TSNARE1: variants seen among roughly 807,000 people sequenced by gnomAD.
TSNARE1 encodes the protein t-SNARE domain containing 1.
TSNARE1 carries 49 observed loss-of-function variants against 62.0 expected under a neutral mutation model. That is an observed-to-expected ratio of 0.79 (90% confidence interval 0.63 to 1.00). The LOEUF (loss-of-function observed/expected upper bound fraction) is 1.00, where lower values mean the gene tolerates loss of function less well. Ranked by LOEUF, TSNARE1 falls within the 50% of genes least tolerant of loss-of-function variation. TSNARE1 has a pLI of 0.00. For synonymous variants in TSNARE1, 328 were observed against 294.4 expected, an observed-to-expected ratio of 1.11 and a Z score of -1.17; for missense variants, 755 against 700.1, an observed-to-expected ratio of 1.08 and a Z score of -0.88.
At chr8:142,227,482 C>T (rs909354493) in intron 13 of TSNARE1, among the ~76,000 whole-genome samples, 40 of 148,402 alleles carry the variant, frequency 2.7e-4, no homozygotes, top group African/African-American at 9.7e-4. Flanking sequence ...GGCAGCCAGG[C>T]CCCCATTCCT....
At chr8:142,269,374 A>T in intron 12 of TSNARE1, 1 of 942,446 alleles carries the variant, frequency 1.1e-6, no homozygotes, top group Non-Finnish European at 1.3e-6. Flanking sequence ...TGTGGGGTGA[A>T]GGTTGGGGCT....
At chr8:142,236,989 C>T (rs543677776) in intron 12 of TSNARE1, among the ~76,000 whole-genome samples, 45 of 152,276 alleles carry the variant, frequency 3.0e-4, no homozygotes, top group Non-Finnish European at 1.0e-4. Context: ...GACCTGAAGG[C>T]AGGAAGGGAA....
chr8:142,249,919 G>A (rs1165333375), intron 12 of TSNARE1, among the ~76,000 whole-genome samples: 1 of 152,228 alleles, frequency 6.6e-6, no homozygotes, highest in African/African-American at 2.4e-5. Flanking sequence ...GCAACCTGGG[G>A]GCAATTGTGA....
chr8:142,227,717 C>T (rs1816908774), intron 13 of TSNARE1, among the ~76,000 whole-genome samples: 1 of 152,252 alleles, frequency 6.6e-6, no homozygotes, highest in Non-Finnish European at 1.5e-5. Context: ...CCCAGGGATG[C>T]GAAACAACAT....
intron 11 of TSNARE1, among the ~76,000 whole-genome samples, chr8:142,280,850 G>C (rs1198518776): frequency 1.3e-5 from 2 of 152,188 alleles, no homozygotes; most frequent in Non-Finnish European, 2.9e-5. Flanking sequence ...TGGTAAGGGA[G>C]TGATGGGGCA....
chr8:142,386,121 C>T (rs4576462), intron 1 of TSNARE1, among the ~76,000 whole-genome samples: 23,355 of 152,186 alleles, frequency 0.15, 1,877 homozygotes, highest in East Asian at 0.21. Flanking sequence ...TCAGATAATT[C>T]AGCCTTCCCA....
chr8:142,275,635 G>C, intron 11 of TSNARE1: 1 of 985,422 alleles, frequency 1.0e-6, no homozygotes, highest in Non-Finnish European at 1.2e-6. Context: ...GAGCAAACAC[G>C]AGCACGGGCA....
intron 1 of TSNARE1, among the ~76,000 whole-genome samples, chr8:142,377,849 T>C (rs1836459283): frequency 4.6e-5 from 7 of 152,236 alleles, no homozygotes; most frequent in Admixed American, 4.6e-4. Context: ...AAAGACTCAG[T>C]AATAAATAAA....
intron 2 of TSNARE1, among the ~76,000 whole-genome samples, chr8:142,351,458 T>C (rs1429264131): frequency 6.6e-6 from 1 of 152,182 alleles, no homozygotes. Context: ...TTAAATGACT[T>C]CATTGCAAGA....
chr8:142,318,551 G>C lies in TSNARE1; in HGVS notation c.977C>G (p.Ser326Cys), dbSNP rs1828946004. Reference protein sequence around the residue: ...VKQMAELLRSSCPQERLQQER... With the variant: ...VKQMAELLRSCCPQERLQQER... ...CAGACCCCAGGAACATACCGGGCAG[G>C]AGCTGCGCAGCAGCTCGGCCATCTG... Residue 326 changes from serine to cysteine, a missense_variant, in exon 7 of 14, where the codon TCC becomes TGC. Ser to Cys is a moderately radical substitution (Grantham distance 112). Coordinates refer to ENST00000524325, the MANE Select transcript of TSNARE1 (RefSeq NM_145003.5). The C allele has an allele frequency of 1.2e-6, 2 of 1,612,890 alleles. No homozygotes were observed. Among genetic ancestry groups the C allele is most frequent in the Non-Finnish European group, 1.7e-6 (2 of 1,179,950 alleles).
chr8:142,290,640 G>T (rs1054154803), intron 10 of TSNARE1, among the ~76,000 whole-genome samples: 2 of 152,168 alleles, frequency 1.3e-5, no homozygotes, highest in East Asian at 1.9e-4. Context: ...CCAGTTAATG[G>T]AGCCACCAAA....
intron 2 of TSNARE1, among the ~76,000 whole-genome samples, chr8:142,353,545 T>TGCTGCCATCCTATCCCA (rs1834382985): frequency 6.6e-6 from 1 of 152,218 alleles, no homozygotes. Context: ...CCGTCCTCCC[T>TGCTGCCATCCTATCCCA]GCTGCCATCC....
At chr8:142,338,260 C>T (rs1048790150) in intron 4 of TSNARE1, among the ~76,000 whole-genome samples, 5 of 152,350 alleles carry the variant, frequency 3.3e-5, no homozygotes, top group South Asian at 4.1e-4. Context: ...CTTACCTGCC[C>T]GCTGCAGACG....
Position 142,270,911 on chromosome 8 carries a change from C to T in TSNARE1, c.1446+3870G>A, listed in dbSNP as rs1027078137. ...CACCCTCTACAGGCAATGGCAAGGA[C>T]GCGACATCACAGGTAGACAGCCCAC... On this transcript the variant is annotated intron_variant, in intron 12 of 13. Transcript: ENST00000524325. The T allele has an allele frequency of 7.1e-6, 7 of 985,544 alleles. No individual in the cohort carries two copies. The South Asian group carries it at 1.4e-4, about 20-fold the overall frequency. 61.0% of individuals were successfully genotyped at this position (985,544 alleles called of 1,614,324 possible).
chr8:142,331,403 T>A (rs865928844), intron 5 of TSNARE1, among the ~76,000 whole-genome samples: 1 of 152,094 alleles, frequency 6.6e-6, no homozygotes, highest in Admixed American at 6.5e-5. Context: ...CTGGGCTCCA[T>A]CCAGATCACA....
chr8:142,373,843 G>T (rs972188251), intron 1 of TSNARE1, among the ~76,000 whole-genome samples: 1 of 152,168 alleles, frequency 6.6e-6, no homozygotes, highest in African/African-American at 2.4e-5. Context: ...GAGCGGGGAA[G>T]CGGGGAGAGG....
At chr8:142,384,343 C>T (rs751521297) in intron 1 of TSNARE1, among the ~76,000 whole-genome samples, 3 of 152,174 alleles carry the variant, frequency 2.0e-5, no homozygotes, top group Non-Finnish European at 4.4e-5. Context: ...AAAACTAACA[C>T]ATTCTAAAAT....
chr8:142,355,552 A>C (rs1834657408), intron 1 of TSNARE1, among the ~76,000 whole-genome samples: 1 of 152,164 alleles, frequency 6.6e-6, no homozygotes. Flanking sequence ...AGGGACTCAG[A>C]GCAAATGACC....
chr8:142,362,067 C>T (rs1835207221), intron 1 of TSNARE1, among the ~76,000 whole-genome samples: 1 of 152,250 alleles, frequency 6.6e-6, no homozygotes, highest in Non-Finnish European at 1.5e-5. Flanking sequence ...CAGCTGCCCA[C>T]CAGGAGCCCC....
Sources: allele counts gnomAD v4.1 joint callset (sites outside exome capture counted in the v4.1 genomes callset), GRCh38; gene constraint gnomAD v4.1.1; transcripts MANE v1.5; gene names NCBI Gene and HGNC (gene_info 2026-07-23, HGNC 2026-07-21).